Variants in ZDHHC7 observed in about 807,000 individuals in gnomAD.
The protein encoded by ZDHHC7 is palmitoyltransferase ZDHHC7.
ZDHHC7 carries 12 observed loss-of-function variants against 34.1 expected under a neutral mutation model. That is an observed-to-expected ratio of 0.35 (90% CI 0.23 to 0.57). The LOEUF is 0.57. Among genes scored for constraint, ZDHHC7 ranks in the 20% least tolerant of loss-of-function variants. ZDHHC7 has a pLI of 0.84. For synonymous variants in ZDHHC7, 185 were observed against 155.4 expected (o/e 1.19, Z -1.42); for missense variants, 388 against 402.7 (o/e 0.96, Z 0.31).
At chr16:84,998,255 CTG>C (rs2072608938) in intron 1 of ZDHHC7, among the ~76,000 whole-genome samples, 1 of 140,426 alleles carries the variant, frequency 7.1e-6, no homozygotes, top group African/African-American at 2.9e-5. Context: ...CAGAGCGAGA[CTG>C]TCTCAAAAAA....
chr16:85,001,592 T>C (rs1258664923), intron 1 of ZDHHC7, among the ~76,000 whole-genome samples: 1 of 151,988 alleles, frequency 6.6e-6, no homozygotes, highest in Non-Finnish European at 1.5e-5. Flanking sequence ...TTAAGGAAGA[T>C]ACAAGCAGTT....
the ZDHHC7 span, among the ~76,000 whole-genome samples, chr16:85,017,681 T>G: frequency 6.6e-6 from 1 of 152,214 alleles, no homozygotes; most frequent in Admixed American, 6.5e-5. Context: ...TTGATACCCG[T>G]GGGCTGGGAG....
chr16:84,988,957 C>G, intron 3 of ZDHHC7: 2 of 1,368,278 alleles, frequency 1.5e-6, no homozygotes, highest in South Asian at 1.3e-5. Flanking sequence ...TGCCTGGGCA[C>G]TTTGGGCAAC....
intron 1 of ZDHHC7, among the ~76,000 whole-genome samples, chr16:85,003,851 A>T (rs879415894): frequency 8.5e-5 from 13 of 152,094 alleles, no homozygotes; most frequent in Non-Finnish European, 1.9e-4. Flanking sequence ...CTCAGGAGTG[A>T]GGGGCCTGGG....
upstream of ZDHHC7, among the ~76,000 whole-genome samples, chr16:85,015,483 A>AG (rs896605027): frequency 7.9e-5 from 12 of 152,252 alleles, no homozygotes; most frequent in African/African-American, 2.6e-4. Flanking sequence ...TGAATAGAAA[A>AG]GGGGATTCTC....
chr16:85,014,700 G>A (rs1445662731), upstream of ZDHHC7, among the ~76,000 whole-genome samples: 1 of 152,140 alleles, frequency 6.6e-6, no homozygotes, highest in Non-Finnish European at 1.5e-5. Context: ...GAGCCAAAGA[G>A]ACAAACTCTG....
At chr16:85,015,145 G>A (rs563172806), upstream of ZDHHC7, among the ~76,000 whole-genome samples, 15 of 151,474 alleles carry the variant, frequency 9.9e-5, no homozygotes, top group South Asian at 2.5e-3. Flanking sequence ...TGTCACCCAG[G>A]CTGGAGTGCA....
intron 5 of ZDHHC7, 31 bp downstream of exon 5, chr16:84,979,158 G>T: frequency 2.5e-6 from 4 of 1,574,674 alleles, no homozygotes; most frequent in Non-Finnish European, 8.6e-7. Context: ...CAAATTCAAT[G>T]TAAATTCAAT....
chr16:84,992,091 A>T (rs12923706), intron 2 of ZDHHC7, among the ~76,000 whole-genome samples: 1 of 144,270 alleles, frequency 6.9e-6, no homozygotes, highest in Non-Finnish European at 1.5e-5. Flanking sequence ...CAGGAGAATC[A>T]CTTGAACCTG....
intron 3 of ZDHHC7, among the ~76,000 whole-genome samples, chr16:84,986,181 G>C (rs1426041258): frequency 3.3e-5 from 5 of 152,216 alleles, no homozygotes; most frequent in African/African-American, 1.2e-4. Flanking sequence ...GCCACCACAT[G>C]ATGTGGTGAC....
chr16:84,989,694 CAAAAA>C (rs35823318), intron 3 of ZDHHC7, among the ~76,000 whole-genome samples: 1 of 96,494 alleles, frequency 1.0e-5, no homozygotes, highest in Admixed American at 1.1e-4. Flanking sequence ...AACTCCGTCT[CAAAAA>C]AAAAAAAAAA....
chr16:85,026,293 C>T, the ZDHHC7 span, among the ~76,000 whole-genome samples: 1 of 152,264 alleles, frequency 6.6e-6, no homozygotes, highest in East Asian at 1.9e-4. Flanking sequence ...GCACTTGCAT[C>T]CTGCTGGACT....
rs200213740 is a variant in ZDHHC7, at chr16:85,009,701, C to CTTTTTTTTT, written c.-104+1584_-104+1585insAAAAAAAAA. ...GCCTTTCACTTTAACCAAGTTCTGA[C>CTTTTTTTTT]TTTTTTTCTTTTTTTTTTTTTTTTT... On this transcript the variant is annotated intron_variant, in intron 1 of 7. Transcript: ENST00000313732. 3.0e-5 allele frequency among the ~76,000 whole-genome samples: 4 copies of CTTTTTTTTT among 132,296 alleles called. 1 individual carries two copies. Among genetic ancestry groups the CTTTTTTTTT allele is most frequent in the African/African-American group, 8.6e-5 (3 of 34,860 alleles). The allele number at this position is 132,296 out of a possible 152,430, so 86.8% of individuals were successfully genotyped here.
intron 6 of ZDHHC7, 80 bp downstream of exon 6, chr16:84,977,843 CT>C (rs1842435531): frequency 1.8e-6 from 2 of 1,136,728 alleles, no homozygotes; most frequent in Non-Finnish European, 2.5e-6. Context: ...AATTGGAAAA[CT>C]GGTTCTTCCT....
At chr16:85,026,786 G>T in the ZDHHC7 span, among the ~76,000 whole-genome samples, 10 of 151,932 alleles carry the variant, frequency 6.6e-5, no homozygotes, top group African/African-American at 2.4e-4. Flanking sequence ...GACAGAGCTT[G>T]ATCATTTAAG....
intron 1 of ZDHHC7, among the ~76,000 whole-genome samples, chr16:85,003,722 T>C (rs13330996): frequency 6.6e-6 from 1 of 152,200 alleles, no homozygotes; most frequent in East Asian, 1.9e-4. Flanking sequence ...GGGCATTTCA[T>C]ATTAAAATAC....
the ZDHHC7 span, among the ~76,000 whole-genome samples, chr16:85,018,364 G>A: frequency 2.4e-4 from 36 of 152,232 alleles, no homozygotes; most frequent in South Asian, 6.8e-3. Context: ...CAGGGTGCTA[G>A]TAATATTCAA....
intron 5 of ZDHHC7, among the ~76,000 whole-genome samples, chr16:84,978,950 A>G (rs1234950395): frequency 1.3e-5 from 2 of 152,224 alleles, no homozygotes; most frequent in Non-Finnish European, 2.9e-5. Context: ...AATAAACAAT[A>G]GCGATTGAGG....
At chr16:85,002,232 C>T (rs906504694) in intron 1 of ZDHHC7, among the ~76,000 whole-genome samples, 1 of 152,174 alleles carries the variant, frequency 6.6e-6, no homozygotes, top group Non-Finnish European at 1.5e-5. Flanking sequence ...CCTCCTCCAG[C>T]AGGGAGGACG....
Sources: gnomAD v4.1 joint callset for allele counts (sites outside exome capture counted in the v4.1 genomes callset) on GRCh38, gnomAD v4.1.1 for gene constraint, MANE v1.5 for transcripts, NCBI Gene and HGNC (gene_info 2026-07-23, HGNC 2026-07-21) for gene names.